The following SFT2D2 variants were observed in gnomAD, a reference collection of about 807,000 sequenced individuals.
SFT2D2 encodes vesicle transport protein SFT2B.
SFT2D2 carries 21 observed loss-of-function variants against 27.4 expected under a neutral mutation model. The observed-to-expected ratio is 0.77, with a 90% CI of 0.54 to 1.10. SFT2D2 has a LOEUF of 1.10. Ranked by LOEUF, SFT2D2 falls within the 50% of genes least tolerant of loss-of-function variation. The pLI, the probability that SFT2D2 is intolerant of heterozygous loss-of-function variation, is 0.00. For synonymous variants in SFT2D2, 72 were observed against 71.7 expected, an observed-to-expected ratio of 1.00 and a Z score of -0.02; for missense variants, 187 against 194.2, an observed-to-expected ratio of 0.96 and a Z score of 0.22.
In SFT2D2 at chr1:168,244,174, GTTT is replaced by G; in HGVS notation, c.*1647_*1649del. 2 of 141,538 alleles carry G rather than the reference GTTT, an allele frequency of 1.4e-5. No homozygotes were observed. Among genetic ancestry groups the G allele is most frequent in the Non-Finnish European group, 3.1e-5 (2 of 64,258 alleles). The allele number at this position is 141,538 out of a possible 1,614,324, so 8.8% of individuals were successfully genotyped here. A position where few individuals can be genotyped will look rare whatever the true frequency, so the allele number is the denominator to read the frequency against. ...CTACTGTGGCTAAGAACTCTGACTG[GTTT>G]TTTTTTTTTTTTCTTTTTGAGATGG... On this transcript the variant is annotated 3_prime_UTR_variant, in exon 8 of 8. Coordinates refer to ENST00000271375, the MANE Select transcript of SFT2D2 (RefSeq NM_199344.3).
chr1:168,237,857 G>GTGTA (rs778729347), intron 6 of SFT2D2, among the ~76,000 whole-genome samples: 1 of 116,804 alleles, frequency 8.6e-6, no homozygotes, highest in Admixed American at 9.0e-5. Context: ...GTGTGTGTGT[G>GTGTA]TATGTTTTTT....
chr1:168,229,806 G>C (rs1485277588), intron 1 of SFT2D2: 1 of 152,188 alleles, frequency 6.6e-6, no homozygotes, highest in Admixed American at 6.5e-5. Context: ...GTCCGAAGTA[G>C]CCTGACTAGA....
rs1223338993 is a variant in SFT2D2, at chr1:168,246,129, CTCTT to C, written c.*3592_*3595del. The C allele has an allele frequency of 8.4e-6, 2 of 236,928 alleles. No homozygotes were observed. The highest frequency in any genetic ancestry group is 1.1e-4 in the Admixed American group (2 of 18,832). 14.7% of individuals were successfully genotyped at this position (236,928 alleles called of 1,614,324 possible). ...ACAACTACTTCTCTTTCTGCTTTCT[CTCTT>C]TCATATTGACATTGTTTTTCTTTCA... On this transcript the variant is annotated 3_prime_UTR_variant, in exon 8 of 8. Coordinates refer to ENST00000271375, the MANE Select transcript of SFT2D2 (RefSeq NM_199344.3).
chr1:168,246,800 A>C lies in SFT2D2; in HGVS notation c.*4260A>C, dbSNP rs768487611. On this transcript the variant is annotated 3_prime_UTR_variant, in exon 8 of 8. Coordinates refer to ENST00000271375, the MANE Select transcript of SFT2D2 (RefSeq NM_199344.3). ...CTGTCAGAGCAGTAAGCTGTCCACT[A>C]TAATGGGCTATCGTTTTTGTTGATT... 2 of 680,756 alleles carry C rather than the reference A, an allele frequency of 2.9e-6. No homozygotes were observed. The highest frequency in any genetic ancestry group is 2.2e-5 in the Admixed American group (1 of 46,214). The allele number at this position is 680,756 out of a possible 1,614,324, so 42.2% of individuals were successfully genotyped here.
rs1418279469 is a variant in SFT2D2 at position 168,246,000 on chromosome 1, T to C, written c.*3460T>C. 4 of 196,802 alleles carry C rather than the reference T, an allele frequency of 2.0e-5. No homozygotes were observed. The highest frequency in any genetic ancestry group is 4.2e-5 in the Non-Finnish European group (4 of 95,936). 12.2% of individuals were successfully genotyped at this position (196,802 alleles called of 1,614,324 possible). ...CTGACCTAATTTCTTCCTTGAATCCTACATCTCACTTTCTCAATGGACGCA... is the reference window on the plus strand; with the variant it reads ...CTGACCTAATTTCTTCCTTGAATCCCACATCTCACTTTCTCAATGGACGCA... On this transcript the variant is annotated 3_prime_UTR_variant, in exon 8 of 8. Coordinates refer to ENST00000271375, the MANE Select transcript of SFT2D2 (RefSeq NM_199344.3).
intron 1 of SFT2D2, among the ~76,000 whole-genome samples, chr1:168,226,892 T>C (rs1700466894): frequency 6.6e-6 from 1 of 152,122 alleles, no homozygotes; most frequent in Non-Finnish European, 1.5e-5. Context: ...CGATCTTGGC[T>C]CACTGCAGCC....
rs1056224218 is a variant in SFT2D2 at position 168,248,677 on chromosome 1, T to C, written c.*6137T>C. On this transcript the variant is annotated 3_prime_UTR_variant, in exon 8 of 8. Coordinates refer to ENST00000271375, the MANE Select transcript of SFT2D2 (RefSeq NM_199344.3). ...CAGAAGGAATGGTACCAGCTCCCTT[T>C]TGTACCTCTGGTAGAATTCGGCTGT... 6 of 152,248 alleles carry C rather than the reference T, an allele frequency of 3.9e-5. No individual in the cohort carries two copies. The highest frequency in any genetic ancestry group is 1.2e-4 in the African/African-American group (5 of 41,468). 9.4% of individuals were successfully genotyped at this position (152,248 alleles called of 1,614,324 possible).
chr1:168,237,458 G>C (rs1647534375), intron 6 of SFT2D2, among the ~76,000 whole-genome samples: 1 of 152,198 alleles, frequency 6.6e-6, no homozygotes, highest in Non-Finnish European at 1.5e-5. Flanking sequence ...TACGACCTCA[G>C]AGTGAGAGGG....
rs1572458197 is a variant in SFT2D2 at position 168,246,486 on chromosome 1, C to G, written c.*3946C>G. The G allele has an allele frequency of 7.1e-7, 1 of 1,413,714 alleles. No individual in the cohort carries two copies. The highest frequency in any genetic ancestry group is 1.4e-5 in the African/African-American group (1 of 69,714). 87.6% of individuals were successfully genotyped at this position (1,413,714 alleles called of 1,614,324 possible). A position where few individuals can be genotyped will look rare whatever the true frequency, so the allele number is the denominator to read the frequency against. ...GTTCAAAAACCAAAGCGTTTTCTTTCAGAGCCTCTCTTGTGTTATGGAGCT... is the reference window on the plus strand; with the variant it reads ...GTTCAAAAACCAAAGCGTTTTCTTTGAGAGCCTCTCTTGTGTTATGGAGCT... On this transcript the variant is annotated 3_prime_UTR_variant, in exon 8 of 8. Coordinates refer to ENST00000271375, the MANE Select transcript of SFT2D2 (RefSeq NM_199344.3).
chr1:168,230,019 C>T (rs2235180), intron 1 of SFT2D2, among the ~76,000 whole-genome samples: 79,806 of 152,026 alleles, frequency 0.52, 22,670 homozygotes, highest in Non-Finnish European at 0.65. Flanking sequence ...GGTCATGAGC[C>T]CAGTTCCATA....
At chr1:168,235,011 C>A in intron 3 of SFT2D2, 90 bp from the exon 4 acceptor site, 1 of 1,098,846 alleles carries the variant, frequency 9.1e-7, no homozygotes, top group Non-Finnish European at 1.4e-6. Context: ...ATGTTAGCTA[C>A]TATTGCCACA....
In SFT2D2 at chr1:168,246,937, C is replaced by G. The variant is rs573697983; in HGVS notation, c.*4397C>G. 4.7e-6 allele frequency: 3 copies of G among 633,766 alleles called. No homozygotes were observed. Among genetic ancestry groups the G allele is most frequent in the African/African-American group, 1.8e-5 (1 of 54,242 alleles). 39.3% of individuals were successfully genotyped at this position (633,766 alleles called of 1,614,324 possible). A position where few individuals can be genotyped will look rare whatever the true frequency, so the allele number is the denominator to read the frequency against. On this transcript the variant is annotated 3_prime_UTR_variant, in exon 8 of 8. Coordinates refer to ENST00000271375, the MANE Select transcript of SFT2D2 (RefSeq NM_199344.3). Reference sequence around the variant, plus strand: ...ATTTGATTTTTTATTGTGTGTATTTCCAGCCTGAGCCTGGCAATTTCATCT... The same window carrying G: ...ATTTGATTTTTTATTGTGTGTATTTGCAGCCTGAGCCTGGCAATTTCATCT...
chr1:168,228,786 C>G (rs1700485660), intron 1 of SFT2D2, among the ~76,000 whole-genome samples: 1 of 152,230 alleles, frequency 6.6e-6, no homozygotes, highest in African/African-American at 2.4e-5. Flanking sequence ...AACTGCCAGT[C>G]AGACTGCCTG....
rs775492553 is a variant in SFT2D2, at chr1:168,246,989, GTCT to G, written c.*4457_*4459del. 9 of 569,032 alleles carry G rather than the reference GTCT, an allele frequency of 1.6e-5. No individual in the cohort carries two copies. The highest frequency in any genetic ancestry group is 5.4e-5 in the East Asian group (1 of 18,630). The allele number at this position is 569,032 out of a possible 1,614,324, so 35.2% of individuals were successfully genotyped here. A position where few individuals can be genotyped will look rare whatever the true frequency, so the allele number is the denominator to read the frequency against. On this transcript the variant is annotated 3_prime_UTR_variant, in exon 8 of 8. Coordinates refer to ENST00000271375, the MANE Select transcript of SFT2D2 (RefSeq NM_199344.3). ...GCATCAAATGGTTTTTATGCAACAG[GTCT>G]TCTTCTTTTTCATGACTATCAGAAA...
At chr1:168,240,337 GAA>G (rs1445914180) in intron 7 of SFT2D2, among the ~76,000 whole-genome samples, 1 of 152,108 alleles carries the variant, frequency 6.6e-6, no homozygotes, top group Non-Finnish European at 1.5e-5. Context: ...CCTTTCAAGT[GAA>G]AGGCAGCTGA....
Position 168,231,555 on chromosome 1 carries a change from A to G in SFT2D2, c.105A>G (p.Lys35=). Residue 35 remains lysine (K), a synonymous_variant, in exon 2 of 8, where the codon AAA becomes AAG. Coordinates refer to ENST00000271375, the MANE Select transcript of SFT2D2 (RefSeq NM_199344.3). ...CATTAAGCTGGAGTACCAGGATAAA[A>G]GGCTTCATTGCGTGTTTTGCTATAG... ...ASSLSWSTRI[K]GFIACFAIGI... The G allele has an allele frequency of 1.2e-6, 2 of 1,614,054 alleles. No individual in the cohort carries two copies. Among genetic ancestry groups the G allele is most frequent in the Non-Finnish European group, 1.7e-6 (2 of 1,180,012 alleles).
intron 7 of SFT2D2, 104 bp downstream of exon 7, chr1:168,239,264 T>G (rs902758753): frequency 7.9e-5 from 69 of 869,796 alleles, no homozygotes; most frequent in Non-Finnish European, 9.3e-5. Flanking sequence ...GTCTTTTGAG[T>G]CAAGTAGACA....
At position 168,231,568 on chromosome 1, in the gene SFT2D2, T is replaced by C; in HGVS notation, c.118T>C (p.Cys40Arg). 1.2e-6 allele frequency: 2 copies of C among 1,614,120 alleles called. No individual in the cohort carries two copies. Reference protein sequence around the residue: ...WSTRIKGFIACFAIGILCSLL... With the variant: ...WSTRIKGFIARFAIGILCSLL... ...TACCAGGATAAAAGGCTTCATTGCG[T>C]GTTTTGCTATAGGAATTCTCTGCTC... The change falls in exon 2 of 8, where the codon TGT (cysteine) becomes CGT (arginine). Residue 40 changes from cysteine (C) to arginine (R), a missense_variant. Coordinates refer to ENST00000271375, the MANE Select transcript of SFT2D2 (RefSeq NM_199344.3).
intron 3 of SFT2D2, among the ~76,000 whole-genome samples, chr1:168,233,591 C>G (rs770354808): frequency 6.6e-6 from 1 of 152,132 alleles, no homozygotes; most frequent in Non-Finnish European, 1.5e-5. Context: ...AATGCTGACC[C>G]TTAGAGATGT....
Sources: gnomAD v4.1 joint callset for allele counts (sites outside exome capture counted in the v4.1 genomes callset) on GRCh38, gnomAD v4.1.1 for gene constraint, MANE v1.5 for transcripts, NCBI Gene and HGNC (gene_info 2026-07-23, HGNC 2026-07-21) for gene names.